Variants in PLA2G4C observed in about 807,000 individuals in gnomAD.
PLA2G4C encodes cytosolic phospholipase A2 gamma.
Under a neutral mutation model 73.8 loss-of-function variants are expected in PLA2G4C, and 64 were observed. That is an observed-to-expected ratio of 0.87 (90% CI 0.71 to 1.07). The LOEUF is 1.07. Among genes scored for constraint, PLA2G4C ranks in the 50% least tolerant of loss-of-function variants. The probability of loss-of-function intolerance (pLI) is 0.00; values close to 1 mark genes in which losing one functional copy is unlikely to be tolerated. For synonymous variants in PLA2G4C, 254 were observed against 252.1 expected, an observed-to-expected ratio of 1.01 and a Z score of -0.07; for missense variants, 622 against 665.4, an observed-to-expected ratio of 0.93 and a Z score of 0.72.
chr19:48,078,316 A>C (rs1426981183), intron 10 of PLA2G4C, among the ~76,000 whole-genome samples: 1 of 152,168 alleles, frequency 6.6e-6, no homozygotes, highest in Admixed American at 6.6e-5. Context: ...TAAGACAAGA[A>C]TGCCCACTCT....
Position 48,077,779 on chromosome 19 carries a change from G to A in PLA2G4C, c.890C>T (p.Pro297Leu). 6.2e-7 allele frequency: 1 copy of A among 1,605,810 alleles called. No individual in the cohort carries two copies. The highest frequency in any genetic ancestry group is 8.5e-7 in the Non-Finnish European group (1 of 1,175,954). ...LQESSQGEHPPPEDEGGEPEH... is the reference protein window; with the variant it reads ...LQESSQGEHPLPEDEGGEPEH... ...CAAAGTAGGATGCTTACCTTCTGGG[G>A]GAGGATGTTCCCCTTGTGAACTTTC... is the stretch of plus-strand genomic sequence containing the variant. The change falls in exon 11 of 17, where the codon CCC (proline) becomes CTC (leucine). Residue 297 changes from proline (P) to leucine (L), a missense_variant. By Grantham distance (98) the Pro-to-Leu change is moderately conservative (BLOSUM62 -3). Coordinates refer to ENST00000599921, the MANE Select transcript of PLA2G4C (RefSeq NM_003706.3).
chr19:48,074,626 G>A, intron 12 of PLA2G4C, 141 bp downstream of exon 12: 1 of 685,394 alleles, frequency 1.5e-6, no homozygotes, highest in Admixed American at 2.1e-5. Flanking sequence ...ATGTGGAAGG[G>A]AACAAATATC....
intron 16 of PLA2G4C, 89 bp from the exon 17 acceptor site, chr19:48,048,477 C>T: frequency 1.3e-6 from 1 of 798,610 alleles, no homozygotes; most frequent in Non-Finnish European, 2.0e-6. Context: ...GAAGCCTCTA[C>T]AGGTCATACA....
At chr19:48,108,342 C>T (rs531746229) in intron 1 of PLA2G4C, among the ~76,000 whole-genome samples, 1 of 152,228 alleles carries the variant, frequency 6.6e-6, no homozygotes, top group African/African-American at 2.4e-5. Context: ...CACTATGTTG[C>T]CCAGGCTGGT....
chr19:48,085,876 A>G (rs2030944371), intron 9 of PLA2G4C, among the ~76,000 whole-genome samples: 1 of 151,986 alleles, frequency 6.6e-6, no homozygotes, highest in Non-Finnish European at 1.5e-5. Flanking sequence ...TGACTTGGGG[A>G]GGTTCGTGGA....
In PLA2G4C at chr19:48,103,711, A is replaced by AT. The variant is rs2032029597; in HGVS notation, c.257+876dup. On this transcript the variant is annotated intron_variant, in intron 4 of 16. Coordinates refer to ENST00000599921, the MANE Select transcript of PLA2G4C (RefSeq NM_003706.3). ...ATGCAATACTTTATCATAGAGGCTG[A>AT]TAAGTTAAAAGGGCTGTATTCTATC... is the stretch of plus-strand genomic sequence containing the variant. Among the ~76,000 whole-genome samples, 3 of 152,270 alleles carry AT rather than the reference A, an allele frequency of 2.0e-5. No individual in the cohort carries two copies. In the East Asian group the frequency reaches 5.8e-4, roughly 29 times the overall value.
chr19:48,073,707 G>GT (rs2029941947), intron 12 of PLA2G4C, among the ~76,000 whole-genome samples: 1 of 152,026 alleles, frequency 6.6e-6, no homozygotes, highest in South Asian at 2.1e-4. Context: ...TCTGCTTCTG[G>GT]TGGGGCCTCA....
At chr19:48,056,385 T>G (rs915070618) in intron 14 of PLA2G4C, among the ~76,000 whole-genome samples, 1 of 151,958 alleles carries the variant, frequency 6.6e-6, no homozygotes, top group Non-Finnish European at 1.5e-5. Flanking sequence ...CCGTCTCTAC[T>G]AAAAATACAA....
chr19:48,066,179 C>A (rs1048594884), intron 13 of PLA2G4C, among the ~76,000 whole-genome samples: 2 of 152,214 alleles, frequency 1.3e-5, no homozygotes, highest in African/African-American at 4.8e-5. Flanking sequence ...GCATGTCCGA[C>A]CCCCACTTCC....
intron 10 of PLA2G4C, among the ~76,000 whole-genome samples, chr19:48,082,783 G>A (rs1317579483): frequency 6.7e-6 from 1 of 150,232 alleles, no homozygotes; most frequent in Non-Finnish European, 1.5e-5. Flanking sequence ...ACAGGCGTGA[G>A]CCACTGTGCC....
In PLA2G4C at chr19:48,062,010, T is replaced by TC. The variant is rs1349536955; in HGVS notation, c.1244dup (p.Asp416ArgfsTer11). On this transcript the variant is annotated frameshift_variant, in exon 14 of 17. Coordinates refer to ENST00000599921, the MANE Select transcript of PLA2G4C (RefSeq NM_003706.3). LOFTEE classifies it high-confidence loss of function. Reference sequence around the variant, plus strand: ...CCTTCTCGATTACCTCGAAAGGATCTCCGGCACTGAAGTCGAAGGAGAGGA... The same window carrying TC: ...CCTTCTCGATTACCTCGAAAGGATCTCCCGGCACTGAAGTCGAAGGAGAGGA... 2 of 1,613,906 alleles carry TC rather than the reference T, an allele frequency of 1.2e-6. No homozygotes were observed. The highest frequency in any genetic ancestry group is 1.7e-6 in the Non-Finnish European group (2 of 1,179,990).
chr19:48,096,333 A>C (rs1038881523), intron 6 of PLA2G4C, among the ~76,000 whole-genome samples: 16 of 152,302 alleles, frequency 1.1e-4, no homozygotes, highest in African/African-American at 1.9e-4. Context: ...CTGTAATCCC[A>C]GCACTTTGGG....
At chr19:48,051,437 G>A (rs79149684) in intron 16 of PLA2G4C, among the ~76,000 whole-genome samples, 11 of 152,266 alleles carry the variant, frequency 7.2e-5, no homozygotes, top group Middle Eastern at 3.4e-3. Context: ...TCAGGTTGGC[G>A]CAAAAGTAGT....
At chr19:48,110,345 CAA>C (rs58047530) in intron 1 of PLA2G4C, 140 bp downstream of exon 1, 53 of 494,732 alleles carry the variant, frequency 1.1e-4, no homozygotes, top group South Asian at 1.5e-4. Context: ...GATGCTGTCT[CAA>C]AAAAAAATAA....
chr19:48,057,477 CTTCTTCTTTTTTT>C (rs1338549342), intron 14 of PLA2G4C, among the ~76,000 whole-genome samples: 15 of 16,882 alleles, frequency 8.9e-4, no homozygotes, highest in African/African-American at 2.1e-3. Flanking sequence ...TCTTCTTCTT[CTTCTTCTTTTTTT>C]TTTTTTTTTT....
chr19:48,080,704 G>A (rs2030492088), intron 10 of PLA2G4C, among the ~76,000 whole-genome samples: 2 of 151,858 alleles, frequency 1.3e-5, no homozygotes, highest in South Asian at 2.1e-4. Flanking sequence ...AGCTACTTGG[G>A]AGGCTGAGGC....
At chr19:48,069,758 G>A (rs35921423) in intron 12 of PLA2G4C, among the ~76,000 whole-genome samples, 39,204 of 151,872 alleles carry the variant, frequency 0.26, 5,326 homozygotes, top group East Asian at 0.49. Context: ...CCCTGAGCAA[G>A]TTACTTTTAT....
chr19:48,106,338 T>G (rs1397699922), intron 2 of PLA2G4C, among the ~76,000 whole-genome samples, 184 bp downstream of exon 2: 1 of 152,144 alleles, frequency 6.6e-6, no homozygotes, highest in Non-Finnish European at 1.5e-5. Flanking sequence ...AGAGATCTTC[T>G]TGCCTCGGCC....
intron 14 of PLA2G4C, among the ~76,000 whole-genome samples, chr19:48,056,994 G>C (rs992525518): frequency 6.6e-6 from 1 of 152,140 alleles, no homozygotes; most frequent in African/African-American, 2.4e-5. Flanking sequence ...GGTGGAGAGC[G>C]GGAGGAAGGA....
Sources: gnomAD v4.1 joint callset for allele counts (sites outside exome capture counted in the v4.1 genomes callset) on GRCh38, gnomAD v4.1.1 for gene constraint, MANE v1.5 for transcripts, NCBI Gene and HGNC (gene_info 2026-07-23, HGNC 2026-07-21) for gene names.